FMNL2: variants seen among roughly 807,000 people sequenced by gnomAD.
FMNL2 encodes formin-like protein 2.
FMNL2 carries 51 observed loss-of-function variants against 130.2 expected under a neutral mutation model. The observed-to-expected ratio is 0.39, with a 90% CI of 0.31 to 0.49. The LOEUF (loss-of-function observed/expected upper bound fraction) is 0.49. FMNL2 is among the 20% of genes least tolerant of loss of function. The pLI is 0.85. For synonymous variants in FMNL2, 465 were observed against 467.1 expected (o/e 1.00, Z 0.06); for missense variants, 977 against 1,316.2 (o/e 0.74, Z 3.99).
chr2:152,377,878 T>G (rs952830381), intron 1 of FMNL2, among the ~76,000 whole-genome samples: 18 of 152,158 alleles, frequency 1.2e-4, no homozygotes, highest in African/African-American at 4.3e-4. Flanking sequence ...ACGCCTGTAA[T>G]CCCAGCACTT....
chr2:152,581,338 A>T (rs1696766954), intron 9 of FMNL2, among the ~76,000 whole-genome samples: 1 of 152,158 alleles, frequency 6.6e-6, no homozygotes, highest in African/African-American at 2.4e-5. Flanking sequence ...GTTTTGTTAC[A>T]TGTATGTGGT....
At chr2:152,495,782 A>G (rs1691488064) in intron 1 of FMNL2, among the ~76,000 whole-genome samples, 1 of 152,044 alleles carries the variant, frequency 6.6e-6, no homozygotes, top group African/African-American at 2.4e-5. Flanking sequence ...ACGAAATGCC[A>G]ATCAACTAGG....
At chr2:152,417,528 T>C (rs1007732840) in intron 1 of FMNL2, among the ~76,000 whole-genome samples, 4 of 152,184 alleles carry the variant, frequency 2.6e-5, no homozygotes, top group Admixed American at 6.5e-5. Flanking sequence ...TTTGCTTACA[T>C]TGAGGTGTTC....
chr2:152,479,869 C>G (rs1023667189), intron 1 of FMNL2, among the ~76,000 whole-genome samples: 3 of 151,812 alleles, frequency 2.0e-5, no homozygotes, highest in African/African-American at 7.3e-5. Flanking sequence ...TGCCACCGCA[C>G]CTGGTTAATT....
In FMNL2 at chr2:152,534,988, T is replaced by C. The variant is rs989941232; in HGVS notation, c.202-7751T>C. ...CAAGAAACTATGGCTGTGGAATGAA[T>C]CTGTCGTGCTGATTTTCAAGTCCAG... On this transcript the variant is annotated intron_variant, in intron 2 of 25. Coordinates refer to ENST00000288670, the MANE Select transcript of FMNL2 (RefSeq NM_052905.4). Among the ~76,000 whole-genome samples the C allele has an allele frequency of 3.3e-5, 5 of 152,188 alleles. No individual in the cohort carries two copies. The East Asian group carries it at 5.8e-4, about 18-fold the overall frequency.
intron 1 of FMNL2, among the ~76,000 whole-genome samples, chr2:152,511,633 G>A (rs182401901): frequency 1.3e-5 from 2 of 152,296 alleles, no homozygotes; most frequent in East Asian, 3.9e-4. Flanking sequence ...AATAGTATGA[G>A]GCTGTAACCT....
chr2:152,525,202 A>T (rs1449983306), intron 2 of FMNL2, among the ~76,000 whole-genome samples: 1 of 152,184 alleles, frequency 6.6e-6, no homozygotes, highest in Admixed American at 6.5e-5. Flanking sequence ...AGCAAAAATT[A>T]TAGTAGGTAA....
intron 4 of FMNL2, among the ~76,000 whole-genome samples, chr2:152,555,192 C>T (rs1376598604): frequency 6.6e-6 from 1 of 152,136 alleles, no homozygotes; most frequent in Non-Finnish European, 1.5e-5. Flanking sequence ...TTTGTGAAAA[C>T]AGTTTTACCT....
rs531834002 is a variant in FMNL2, at chr2:152,393,473, G to A, written c.117+57753G>A. Among the ~76,000 whole-genome samples the A allele has an allele frequency of 4.6e-5, 7 of 152,172 alleles. No homozygotes were observed. In the South Asian group the frequency reaches 1.0e-3, roughly 23 times the overall value. Reference sequence around the variant, plus strand: ...TTTCTAAGACTTGTTTCTTTTTGCCGCATTGCATTCTAAAAGGGTAAAACA... The same window carrying A: ...TTTCTAAGACTTGTTTCTTTTTGCCACATTGCATTCTAAAAGGGTAAAACA... On this transcript the variant is annotated intron_variant, in intron 1 of 25. Coordinates refer to ENST00000288670, the MANE Select transcript of FMNL2 (RefSeq NM_052905.4).
At chr2:152,442,089 C>G (rs561274334) in intron 1 of FMNL2, among the ~76,000 whole-genome samples, 2 of 151,710 alleles carry the variant, frequency 1.3e-5, no homozygotes, top group African/African-American at 4.8e-5. Flanking sequence ...GATGAGGAAC[C>G]GACAAAATTT....
intron 2 of FMNL2, 141 bp downstream of exon 2, chr2:152,522,167 C>T: frequency 1.5e-6 from 1 of 687,260 alleles, no homozygotes; most frequent in Non-Finnish European, 2.4e-6. Context: ...AAGAGAACTT[C>T]AGAGAAATAA....
At chr2:152,419,292 T>C (rs950298393) in intron 1 of FMNL2, among the ~76,000 whole-genome samples, 27 of 152,216 alleles carry the variant, frequency 1.8e-4, no homozygotes, top group Non-Finnish European at 3.5e-4. Context: ...ATTTAACTTT[T>C]TTATAACATT....
chr2:152,492,205 C>T (rs1691252467), intron 1 of FMNL2, among the ~76,000 whole-genome samples: 1 of 152,010 alleles, frequency 6.6e-6, no homozygotes, highest in Non-Finnish European at 1.5e-5. Flanking sequence ...TTCCGTCCCC[C>T]ACCCTCTGCC....
intron 1 of FMNL2, among the ~76,000 whole-genome samples, chr2:152,416,580 C>T (rs902441760): frequency 6.6e-6 from 1 of 152,192 alleles, no homozygotes; most frequent in Non-Finnish European, 1.5e-5. Flanking sequence ...TATGTTACTT[C>T]TTTCCATTGC....
At chr2:152,559,827 A>G (rs1695425715) in intron 5 of FMNL2, among the ~76,000 whole-genome samples, 1 of 151,460 alleles carries the variant, frequency 6.6e-6, no homozygotes. Flanking sequence ...CCCCATTCTA[A>G]CTCTTTTATG....
In FMNL2 at chr2:152,628,469, T is replaced by C. The variant is rs1412379349; in HGVS notation, c.2336T>C (p.Met779Thr). 2.5e-6 allele frequency: 4 copies of C among 1,614,012 alleles called. No individual in the cohort carries two copies. The highest frequency in any genetic ancestry group is 3.4e-6 in the Non-Finnish European group (4 of 1,179,898). Residue 779 changes from methionine (M) to threonine (T), a missense_variant, in exon 18 of 26, where the codon ATG becomes ACG. Physicochemically the swap from Met to Thr is moderately conservative, Grantham distance 81. Around this residue, in one of 4 missense-constraint regions of FMNL2, gnomAD observed 689 missense variants for 995.9 expected, o/e 0.69. Transcript: ENST00000288670. The part of the protein sequence containing the change: ...MMQFSKIERL[M>T]QKMTIMAFIG... The stretch of plus-strand genomic sequence containing the variant: ...CAGTTTAGTAAAATCGAGAGGCTCA[T>C]GCAGAAGATGACCATCATGGCCTTC...
intron 1 of FMNL2, among the ~76,000 whole-genome samples, chr2:152,506,140 C>T (rs912080820): frequency 2.6e-5 from 4 of 152,132 alleles, no homozygotes; most frequent in South Asian, 4.1e-4. Flanking sequence ...GGAAATATCT[C>T]GTTTTTATGA....
intron 1 of FMNL2, among the ~76,000 whole-genome samples, chr2:152,356,693 A>G (rs7605220): frequency 0.98 from 148,748 of 151,556 alleles, 73,054 homozygotes; most frequent in East Asian, 1. Context: ...GTACACGTGT[A>G]TCCTTTTTGC....
intron 10 of FMNL2, among the ~76,000 whole-genome samples, chr2:152,608,538 TTATATATATACA>T (rs1698510348): frequency 6.7e-6 from 1 of 148,590 alleles, no homozygotes; most frequent in Non-Finnish European, 1.5e-5. Flanking sequence ...TATATATACT[TTATATATATACA>T]TATATATGTA....
Sources: gnomAD v4.1 joint callset for allele counts (sites outside exome capture counted in the v4.1 genomes callset) on GRCh38, gnomAD v4.1.1 for gene constraint, gnomAD v4.1.1 regional missense constraint, MANE v1.5 for transcripts, NCBI Gene and HGNC (gene_info 2026-07-23, HGNC 2026-07-21) for gene names.